Variants in VAPB observed in about 807,000 individuals in gnomAD.
The protein encoded by VAPB is VAMP associated protein B and C.
VAPB carries 7 observed loss-of-function variants against 25.6 expected under a neutral mutation model. That is an observed-to-expected ratio of 0.27 (90% CI 0.16 to 0.51). The LOEUF (loss-of-function observed/expected upper bound fraction) is 0.51, where lower values mean the gene tolerates loss of function less well. Among genes scored for constraint, VAPB ranks in the 20% least tolerant of loss-of-function variants. VAPB has a pLI of 0.97. For missense variants in VAPB, 266 were observed against 301.3 expected (o/e 0.88, Z 0.87); for synonymous variants, 112 against 109.2 (o/e 1.03, Z -0.16).
In VAPB at chr20:58,446,731, G is replaced by A. The variant is rs1989302164; in HGVS notation, c.*2496G>A. 1 of 453,916 alleles carries A rather than the reference G, an allele frequency of 2.2e-6. No homozygotes were observed. The highest frequency in any genetic ancestry group is 4.4e-6 in the Non-Finnish European group (1 of 226,790). 28.1% of individuals were successfully genotyped at this position (453,916 alleles called of 1,614,324 possible). On this transcript the variant is annotated 3_prime_UTR_variant, in exon 6 of 6. Coordinates refer to ENST00000475243, the MANE Select transcript of VAPB (RefSeq NM_004738.5). ...ATGTTTGTGGGCCTTTTGACTGAGT[G>A]GCAGAAGGAAACTGCTCAGGAAGAG...
At chr20:58,437,291 TAA>T (rs1164314866) in intron 3 of VAPB, among the ~76,000 whole-genome samples, 7 of 151,990 alleles carry the variant, frequency 4.6e-5, no homozygotes, top group Non-Finnish European at 1.0e-4. Context: ...TTTTTTTTTT[TAA>T]GAGTCCAGGC....
At chr20:58,394,613 A>G (rs972964012) in intron 1 of VAPB, among the ~76,000 whole-genome samples, 3 of 152,258 alleles carry the variant, frequency 2.0e-5, no homozygotes, top group Non-Finnish European at 4.4e-5. Context: ...AACTTGAGTC[A>G]AACGTAAATC....
In VAPB at chr20:58,449,494, C is replaced by T. The variant is rs1201987578; in HGVS notation, c.*5259C>T. The T allele has an allele frequency of 3.1e-5, 14 of 452,404 alleles. No homozygotes were observed. The highest frequency in any genetic ancestry group is 7.0e-5 in the East Asian group (1 of 14,372). The allele number at this position is 452,404 out of a possible 1,614,324, so 28.0% of individuals were successfully genotyped here. ...TATTAGAAAATGTCTGTGTTAAATC[C>T]GTAGAAAAGGAAGAAAAGTGTAGCA... On this transcript the variant is annotated 3_prime_UTR_variant, in exon 6 of 6. Transcript: ENST00000475243.
In VAPB at chr20:58,450,070, T is replaced by A. The variant is rs1449179570; in HGVS notation, c.*5835T>A. ...AAGATGAGAAATGAGTGTGCACGTT[T>A]CACACGTTGACTTGCCGGTTTTTCC... On this transcript the variant is annotated 3_prime_UTR_variant, in exon 6 of 6. Transcript: ENST00000475243. The A allele has an allele frequency of 2.2e-6, 1 of 454,144 alleles. No homozygotes were observed. Among genetic ancestry groups the A allele is most frequent in the South Asian group, 1.6e-5 (1 of 64,474 alleles). 28.1% of individuals were successfully genotyped at this position (454,144 alleles called of 1,614,324 possible).
At chr20:58,406,155 A>G (rs1407156838) in intron 1 of VAPB, among the ~76,000 whole-genome samples, 1 of 152,090 alleles carries the variant, frequency 6.6e-6, no homozygotes, top group Non-Finnish European at 1.5e-5. Flanking sequence ...GAGATGTTAA[A>G]TAGGTAGTTG....
intron 1 of VAPB, among the ~76,000 whole-genome samples, chr20:58,398,550 A>G (rs1264361394): frequency 7.0e-6 from 1 of 142,972 alleles, no homozygotes; most frequent in African/African-American, 2.8e-5. Context: ...GCCTCTAGGT[A>G]TTGGGAGACG....
intron 2 of VAPB, among the ~76,000 whole-genome samples, chr20:58,418,833 A>G (rs1369466978): frequency 6.6e-6 from 1 of 152,148 alleles, no homozygotes; most frequent in African/African-American, 2.4e-5. Context: ...ACTGCACTTT[A>G]CTGATTGTGA....
chr20:58,396,577 C>T (rs1356238593), intron 1 of VAPB, among the ~76,000 whole-genome samples: 1 of 152,014 alleles, frequency 6.6e-6, no homozygotes, highest in Non-Finnish European at 1.5e-5. Context: ...GAAGGGTGCT[C>T]AGAGAATGGA....
intron 1 of VAPB, 116 bp downstream of exon 1, chr20:58,389,633 C>G: frequency 1.7e-6 from 2 of 1,143,958 alleles, no homozygotes; most frequent in Non-Finnish European, 1.2e-6. Context: ...GGCGCTGTCG[C>G]GGGGGGCGGC....
At chr20:58,402,604 A>G (rs1381175902) in intron 1 of VAPB, among the ~76,000 whole-genome samples, 11 of 140,444 alleles carry the variant, frequency 7.8e-5, no homozygotes, top group Non-Finnish European at 1.5e-4. Context: ...TTCTCCCCAC[A>G]TCCCAGTGCC....
Position 58,446,349 on chromosome 20 carries a change from C to A in VAPB, c.*2114C>A, listed in dbSNP as rs1989292309. ...CAGTTAAGTCCTGTAGCTTCCAGGC[C>A]CTCATGTCTTTGATAGGAGAGTGCT... On this transcript the variant is annotated 3_prime_UTR_variant, in exon 6 of 6. Coordinates refer to ENST00000475243, the MANE Select transcript of VAPB (RefSeq NM_004738.5). 4.4e-6 allele frequency: 2 copies of A among 453,968 alleles called. No individual in the cohort carries two copies. The highest frequency in any genetic ancestry group is 8.8e-6 in the Non-Finnish European group (2 of 226,804). The allele number at this position is 453,968 out of a possible 1,614,324, so 28.1% of individuals were successfully genotyped here.
At chr20:58,423,448 A>AAAAAAAAAAAAAAAAAAAAAC (rs1988718143) in intron 2 of VAPB, among the ~76,000 whole-genome samples, 1 of 140,978 alleles carries the variant, frequency 7.1e-6, no homozygotes, top group Non-Finnish European at 1.5e-5. Context: ...AAAAAAAAAA[A>AAAAAAAAAAAAAAAAAAAAAC]AGAAAAGAAA....
chr20:58,408,322 T>C, intron 1 of VAPB, among the ~76,000 whole-genome samples: 1 of 152,230 alleles, frequency 6.6e-6, no homozygotes, highest in East Asian at 1.9e-4. Context: ...AGGAAAGTTA[T>C]GTGTCTATGG....
intron 1 of VAPB, among the ~76,000 whole-genome samples, chr20:58,416,783 G>T (rs1988550176): frequency 6.6e-6 from 1 of 151,082 alleles, no homozygotes; most frequent in African/African-American, 2.4e-5. Context: ...TCCATGCCCG[G>T]AGCACCTCAA....
chr20:58,409,657 G>A (rs1988323981), intron 1 of VAPB, among the ~76,000 whole-genome samples: 1 of 152,118 alleles, frequency 6.6e-6, no homozygotes, highest in Non-Finnish European at 1.5e-5. Flanking sequence ...TTTATGCAGA[G>A]TGGAAAAAAC....
At chr20:58,396,271 GGT>G (rs958842770) in intron 1 of VAPB, among the ~76,000 whole-genome samples, 21 of 151,986 alleles carry the variant, frequency 1.4e-4, no homozygotes, top group African/African-American at 5.1e-4. Flanking sequence ...GCTTTTGGGG[GGT>G]GTGTGTGTGC....
Position 58,441,044 on chromosome 20 carries a change from T to G in VAPB, c.534T>G (p.Gly178=). 6.2e-7 allele frequency: 1 copy of G among 1,614,022 alleles called. No homozygotes were observed. Among genetic ancestry groups the G allele is most frequent in the Non-Finnish European group, 8.5e-7 (1 of 1,179,984 alleles). The change falls in exon 5 of 6, where the codon GGT becomes GGG. Residue 178 remains glycine (G), a synonymous_variant. Coordinates refer to ENST00000475243, the MANE Select transcript of VAPB (RefSeq NM_004738.5). ...KVMEECKRLQ[G]EVQRLREENK... ...TGGAAGAATGTAAGAGGCTGCAAGGTGAAGTTCAGAGGCTACGGGAGGAGA... is the reference window on the plus strand; with the variant it reads ...TGGAAGAATGTAAGAGGCTGCAAGGGGAAGTTCAGAGGCTACGGGAGGAGA...
chr20:58,399,954 T>C (rs193284929), intron 1 of VAPB, among the ~76,000 whole-genome samples: 3 of 152,304 alleles, frequency 2.0e-5, no homozygotes, highest in East Asian at 1.9e-4. Flanking sequence ...TTTAGTCTTT[T>C]AGTTCCATCA....
At position 58,389,469 on chromosome 20, in the gene VAPB, G is replaced by A. The variant is rs768972128; in HGVS notation, c.10G>A (p.Val4Met). Reference sequence around the variant, plus strand: ...TCCGCCGCTAAGGAACATGGCGAAGGTGGAGCAGGTCCTGAGCCTCGAGCC... The same window carrying A: ...TCCGCCGCTAAGGAACATGGCGAAGATGGAGCAGGTCCTGAGCCTCGAGCC... Reference protein sequence around the residue: MAKVEQVLSLEPQH... With the variant: MAKMEQVLSLEPQH... The change falls in exon 1 of 6, where the codon GTG becomes ATG. Residue 4 changes from valine to methionine, a missense_variant. Physicochemically the swap from Val to Met is conservative, Grantham distance 21. Coordinates refer to ENST00000475243, the MANE Select transcript of VAPB (RefSeq NM_004738.5). 2.5e-6 allele frequency: 4 copies of A among 1,596,978 alleles called. No homozygotes were observed. The highest frequency in any genetic ancestry group is 2.7e-5 in the African/African-American group (2 of 74,322).
Sources: allele counts gnomAD v4.1 joint callset (sites outside exome capture counted in the v4.1 genomes callset), GRCh38; gene constraint gnomAD v4.1.1; transcripts MANE v1.5; gene names NCBI Gene and HGNC (gene_info 2026-07-23, HGNC 2026-07-21).